Variants in TNS1 observed in about 807,000 individuals in gnomAD.
TNS1 encodes the protein tensin-1.
Under a neutral mutation model 168.6 loss-of-function variants are expected in TNS1, and 62 were observed. That is an observed-to-expected ratio of 0.37 (90% CI 0.30 to 0.45). The LOEUF (loss-of-function observed/expected upper bound fraction) is 0.45. Ranked by LOEUF, TNS1 falls within the 20% of genes least tolerant of loss-of-function variation. TNS1 has a pLI of 1.00. For synonymous variants in TNS1, 934 were observed against 933.2 expected (o/e 1.00, Z -0.02); for missense variants, 2,240 against 2,339.4 (o/e 0.96, Z 0.88).
chr2:217,895,351 G>A (rs563255840), intron 8 of TNS1, among the ~76,000 whole-genome samples: 8 of 152,298 alleles, frequency 5.3e-5, no homozygotes, highest in East Asian at 1.9e-4. Context: ...ACACCGTCAC[G>A]AAGAGGAACT....
intron 1 of TNS1, among the ~76,000 whole-genome samples, chr2:217,999,075 A>T (rs1958517041): frequency 6.6e-6 from 1 of 152,138 alleles, no homozygotes; most frequent in Non-Finnish European, 1.5e-5. Context: ...CCCCAACACC[A>T]TGCCCTGACC....
chr2:217,953,852 A>G (rs1957299146), intron 3 of TNS1, among the ~76,000 whole-genome samples: 1 of 152,230 alleles, frequency 6.6e-6, no homozygotes, highest in African/African-American at 2.4e-5. Flanking sequence ...TAGAGCTGGC[A>G]TGGCAAAAGC....
intron 1 of TNS1, among the ~76,000 whole-genome samples, chr2:217,998,023 C>T (rs548432227): frequency 3.2e-4 from 48 of 152,324 alleles, no homozygotes; most frequent in African/African-American, 1.0e-3. Flanking sequence ...ACACTTGTTA[C>T]AAGCCAAGAC....
intron 30 of TNS1, 36 bp downstream of exon 30, chr2:217,809,787 G>T: frequency 6.3e-7 from 1 of 1,595,008 alleles, no homozygotes; most frequent in Non-Finnish European, 8.6e-7. Flanking sequence ...TCACAGGAAG[G>T]AGAACCCCAC....
intron 18 of TNS1, chr2:217,858,670 G>T: frequency 9.9e-5 from 10 of 101,052 alleles, no homozygotes; most frequent in Non-Finnish European, 1.2e-4. Flanking sequence ...GCCTGCCCAT[G>T]TACACACACA....
intron 1 of TNS1, among the ~76,000 whole-genome samples, chr2:218,029,768 G>T (rs1326359714): frequency 6.6e-6 from 1 of 152,212 alleles, no homozygotes; most frequent in Non-Finnish European, 1.5e-5. Flanking sequence ...ATTAGTGACT[G>T]GAAGGGGCAG....
At chr2:217,974,231 T>G (rs1359597478) in intron 3 of TNS1, among the ~76,000 whole-genome samples, 2 of 152,218 alleles carry the variant, frequency 1.3e-5, no homozygotes, top group Non-Finnish European at 2.9e-5. Flanking sequence ...AGGATGTACG[T>G]TTGAGTTTTG....
intron 25 of TNS1, among the ~76,000 whole-genome samples, chr2:217,814,203 T>A (rs969509789): frequency 6.6e-6 from 1 of 152,154 alleles, no homozygotes; most frequent in Non-Finnish European, 1.5e-5. Context: ...TTTTGTAGAT[T>A]CAGGATCTCA....
At chr2:217,845,710 G>T (rs374942675) in intron 19 of TNS1, among the ~76,000 whole-genome samples, 2 of 152,308 alleles carry the variant, frequency 1.3e-5, no homozygotes, top group East Asian at 1.9e-4. Context: ...TGACAGTCAA[G>T]CCTTCGAAAG....
At chr2:217,884,472 C>G (rs983490070) in intron 16 of TNS1, among the ~76,000 whole-genome samples, 1 of 152,172 alleles carries the variant, frequency 6.6e-6, no homozygotes, top group East Asian at 1.9e-4. Flanking sequence ...AAGCAAACAC[C>G]AAACCTTTCC....
chr2:217,893,398 G>GCACACACACACACACACACACA lies in TNS1; in HGVS notation c.717+40_717+41insTGTGTGTGTGTGTGTGTGTGTG, dbSNP rs765084895. 3 of 1,494,180 alleles carry GCACACACACACACACACACACA rather than the reference G, an allele frequency of 2.0e-6. No homozygotes were observed. In the African/African-American group the frequency reaches 5.3e-5, roughly 27 times the overall value. 92.6% of individuals were successfully genotyped at this position (1,494,180 alleles called of 1,614,324 possible). A position where few individuals can be genotyped will look rare whatever the true frequency, so the allele number is the denominator to read the frequency against. ...CACACACATGTGCGCATGTGCGCGCGCGCACACACACACACACACACACAC... is the reference window on the plus strand; with the variant it reads ...CACACACATGTGCGCATGTGCGCGCGCACACACACACACACACACACACGCACACACACACACACACACACAC... On this transcript the variant is annotated intron_variant, in intron 10 of 32. Transcript: ENST00000682258.
intron 3 of TNS1, among the ~76,000 whole-genome samples, chr2:217,933,058 A>T (rs1956407338): frequency 6.6e-6 from 1 of 152,112 alleles, no homozygotes; most frequent in Non-Finnish European, 1.5e-5. Flanking sequence ...GCCCCCTCTC[A>T]TTTCCAATTA....
At chr2:217,806,658 G>A (rs78451416) in intron 32 of TNS1, among the ~76,000 whole-genome samples, 61 of 152,256 alleles carry the variant, frequency 4.0e-4, no homozygotes, top group African/African-American at 1.4e-3. Flanking sequence ...ATGACCCTAT[G>A]AAGCCTGGAC....
At position 217,847,966 on chromosome 2, in the gene TNS1, C is replaced by T. The variant is rs1362584451; in HGVS notation, c.2551G>A (p.Ala851Thr). The change falls in exon 19 of 33, where the codon GCC (alanine) becomes ACC (threonine). Residue 851 changes from alanine (A) to threonine (T), a missense_variant. This residue lies in a region of TNS1 where 2,131 missense variants were observed against 2,171.2 expected (regional missense o/e 0.98). Coordinates refer to ENST00000682258, the MANE Select transcript of TNS1 (RefSeq NM_001387777.1). ...MLDLEPASAA[A>T]PLHKSQSVPG... ...ACACTCTGGGACTTGTGTAGTGGGGCAGCAGCGGAGGCTGGCTCCAGGTCC... is the reference window on the plus strand; with the variant it reads ...ACACTCTGGGACTTGTGTAGTGGGGTAGCAGCGGAGGCTGGCTCCAGGTCC... 3.3e-6 allele frequency: 5 copies of T among 1,508,780 alleles called. No homozygotes were observed. Among genetic ancestry groups the T allele is most frequent in the African/African-American group, 1.4e-5 (1 of 71,972 alleles). 93.5% of individuals were successfully genotyped at this position (1,508,780 alleles called of 1,614,324 possible). A position where few individuals can be genotyped will look rare whatever the true frequency, so the allele number is the denominator to read the frequency against.
At chr2:217,847,383 G>T in intron 19 of TNS1, 127 bp downstream of exon 19, 1 of 881,106 alleles carries the variant, frequency 1.1e-6, no homozygotes, top group Non-Finnish European at 1.6e-6. Flanking sequence ...TAGCATATAG[G>T]CTCCTGAGAG....
chr2:217,924,070 C>A (rs576494392), intron 3 of TNS1, among the ~76,000 whole-genome samples: 2 of 152,318 alleles, frequency 1.3e-5, no homozygotes, highest in East Asian at 3.9e-4. Flanking sequence ...TCTCCCTCTT[C>A]GTTCTATGCT....
At chr2:218,030,174 C>A (rs1253945236) in intron 1 of TNS1, among the ~76,000 whole-genome samples, 1 of 152,160 alleles carries the variant, frequency 6.6e-6, no homozygotes, top group African/African-American at 2.4e-5. Flanking sequence ...TGCTAGGGCT[C>A]CCGGGGAGCC....
intron 18 of TNS1, among the ~76,000 whole-genome samples, chr2:217,853,883 C>T (rs1177444307): frequency 1.3e-5 from 2 of 152,228 alleles, no homozygotes; most frequent in Non-Finnish European, 2.9e-5. Flanking sequence ...ACTAGCCATG[C>T]AGCTCAGGCT....
At chr2:217,875,012 T>C (rs917451023) in intron 18 of TNS1, among the ~76,000 whole-genome samples, 8 of 152,188 alleles carry the variant, frequency 5.3e-5, no homozygotes, top group African/African-American at 1.9e-4. Flanking sequence ...CTTGCCCCCT[T>C]TGAAGCTAGG....
Sources: allele counts gnomAD v4.1 joint callset (sites outside exome capture counted in the v4.1 genomes callset), GRCh38; gene constraint gnomAD v4.1.1; regional missense constraint gnomAD v4.1.1; transcripts MANE v1.5; gene names NCBI Gene and HGNC (gene_info 2026-07-23, HGNC 2026-07-21).